The following MAML2 variants were observed in gnomAD, a reference collection of about 807,000 sequenced individuals.
MAML2 encodes the protein mastermind like transcriptional coactivator 2.
Under a neutral mutation model 96.1 loss-of-function variants are expected in MAML2, and 22 were observed. The observed-to-expected ratio is 0.23, with a 90% confidence interval of 0.16 to 0.33. MAML2 has a LOEUF of 0.33. MAML2 is among the 10% of genes least tolerant of loss of function. The pLI is 1.00. For synonymous variants in MAML2, 561 were observed against 521.3 expected, an observed-to-expected ratio of 1.08 and a Z score of -1.04; for missense variants, 1,367 against 1,392.4, an observed-to-expected ratio of 0.98 and a Z score of 0.29.
intron 1 of MAML2, among the ~76,000 whole-genome samples, chr11:96,225,325 C>T (rs1166839688): frequency 1.3e-5 from 2 of 152,190 alleles, no homozygotes; most frequent in South Asian, 2.1e-4. Flanking sequence ...TACAGAGAGG[C>T]TCACATGATG....
At chr11:96,109,958 T>C (rs1156578139) in intron 1 of MAML2, among the ~76,000 whole-genome samples, 1 of 152,072 alleles carries the variant, frequency 6.6e-6, no homozygotes, top group Non-Finnish European at 1.5e-5. Context: ...AATGAAACTC[T>C]GGGGAACATC....
intron 3 of MAML2, among the ~76,000 whole-genome samples, chr11:95,989,008 A>C (rs944687075): frequency 2.6e-5 from 4 of 152,192 alleles, no homozygotes; most frequent in African/African-American, 9.6e-5. Context: ...TTTCTATTTA[A>C]TTCTGTGAAA....
intron 2 of MAML2, among the ~76,000 whole-genome samples, chr11:96,050,452 T>C (rs917495161): frequency 6.6e-6 from 1 of 152,224 alleles, no homozygotes; most frequent in African/African-American, 2.4e-5. Flanking sequence ...GATGGGTTTT[T>C]CAGGCTATGT....
At chr11:96,265,120 T>C (rs1862808572) in intron 1 of MAML2, among the ~76,000 whole-genome samples, 1 of 152,174 alleles carries the variant, frequency 6.6e-6, no homozygotes, top group Non-Finnish European at 1.5e-5. Flanking sequence ...TCATTAGGAA[T>C]GTGGTAGAGA....
chr11:96,282,024 C>T (rs1233157135), intron 1 of MAML2, among the ~76,000 whole-genome samples: 5 of 151,920 alleles, frequency 3.3e-5, no homozygotes, highest in East Asian at 1.9e-4. Flanking sequence ...CCGAGGCAGG[C>T]GGATCACGAG....
chr11:96,061,168 G>A (rs181144389), intron 2 of MAML2, among the ~76,000 whole-genome samples: 54 of 152,290 alleles, frequency 3.5e-4, no homozygotes, highest in African/African-American at 1.2e-3. Context: ...GCAGGTTGTC[G>A]AATTCCCAAG....
chr11:96,234,899 C>A (rs892152835), intron 1 of MAML2, among the ~76,000 whole-genome samples: 2 of 151,866 alleles, frequency 1.3e-5, no homozygotes, highest in South Asian at 4.2e-4. Context: ...AATGGAACAC[C>A]CTGTTGTGAA....
At chr11:96,059,131 A>G (rs1000900594) in intron 2 of MAML2, among the ~76,000 whole-genome samples, 1 of 152,172 alleles carries the variant, frequency 6.6e-6, no homozygotes, top group South Asian at 2.1e-4. Context: ...AGGCACAGAG[A>G]GTTTAGGCAA....
intron 1 of MAML2, among the ~76,000 whole-genome samples, chr11:96,218,216 C>T (rs1862078185): frequency 3.3e-5 from 5 of 152,202 alleles, no homozygotes; most frequent in Admixed American, 3.3e-4. Context: ...CAGAAGGCAG[C>T]TGTAACGCAG....
chr11:96,254,428 G>A (rs1185451037), intron 1 of MAML2, among the ~76,000 whole-genome samples: 1 of 147,486 alleles, frequency 6.8e-6, no homozygotes, highest in Non-Finnish European at 1.5e-5. Context: ...AGCTTGCTGT[G>A]GCTCTTAATA....
At chr11:96,032,586 CAAAAAAAAAA>C (rs59167571) in intron 2 of MAML2, among the ~76,000 whole-genome samples, 1 of 91,468 alleles carries the variant, frequency 1.1e-5, no homozygotes, top group Non-Finnish European at 2.2e-5. Context: ...GAGTCTGTCT[CAAAAAAAAAA>C]AAAAAAAAAA....
chr11:96,124,059 G>A (rs952008752), intron 1 of MAML2, among the ~76,000 whole-genome samples: 4 of 127,522 alleles, frequency 3.1e-5, no homozygotes, highest in South Asian at 2.4e-4. Flanking sequence ...AACGAGCAAC[G>A]AGCAACCAGC....
chr11:96,161,438 AT>A (rs1053320777), intron 1 of MAML2, among the ~76,000 whole-genome samples: 7 of 152,158 alleles, frequency 4.6e-5, no homozygotes, highest in Non-Finnish European at 8.8e-5. Flanking sequence ...TAATAGGTTC[AT>A]TTTTTACCCT....
chr11:96,106,880 G>A (rs10501842), intron 1 of MAML2, among the ~76,000 whole-genome samples: 37,752 of 151,396 alleles, frequency 0.25, 5,099 homozygotes, highest in Middle Eastern at 0.35. Context: ...GTATCCACTC[G>A]TTAGATTGCT....
At chr11:96,222,962 C>T (rs7101873) in intron 1 of MAML2, among the ~76,000 whole-genome samples, 23,894 of 151,888 alleles carry the variant, frequency 0.16, 2,013 homozygotes, top group Non-Finnish European at 0.19. Context: ...TCCCAGAAAA[C>T]TGAAGATTTT....
rs1000004929 is a variant in MAML2, at chr11:96,217,132, A to G, written c.514-123615T>C. 6.6e-5 allele frequency among the ~76,000 whole-genome samples: 10 copies of G among 152,324 alleles called. No individual in the cohort carries two copies. In the South Asian group the frequency reaches 2.1e-3, roughly 32 times the overall value. On this transcript the variant is annotated intron_variant, in intron 1 of 4. Coordinates refer to ENST00000524717, the MANE Select transcript of MAML2 (RefSeq NM_032427.4). ...CTTTGCTCAGTGCTCATTACATGTT[A>G]CACTGCTGTTCCTATTAAAGTATAA... is the stretch of plus-strand genomic sequence containing the variant.
At position 96,074,301 on chromosome 11, in the gene MAML2, A is replaced by G. The variant is rs146826933; in HGVS notation, c.2139+17591T>C. On this transcript the variant is annotated intron_variant, in intron 2 of 4. Coordinates refer to ENST00000524717, the MANE Select transcript of MAML2 (RefSeq NM_032427.4). ...TTCGATAAGCTCAGATTCTCAAAAT[A>G]CAGCAGGTGTGTGAAGGACAGTATA... Among the ~76,000 whole-genome samples the G allele has an allele frequency of 5.3e-3, 804 of 152,338 alleles. 6 individuals are homozygous for G. The highest frequency in any genetic ancestry group is 0.018 in the African/African-American group (748 of 41,578).
At position 96,093,444 on chromosome 11, in the gene MAML2, A is replaced by T. The variant is rs1299074101; in HGVS notation, c.587T>A (p.Val196Glu). 1 of 1,613,936 alleles carries T rather than the reference A, an allele frequency of 6.2e-7. No homozygotes were observed. The highest frequency in any genetic ancestry group is 8.5e-7 in the Non-Finnish European group (1 of 1,179,906). The change falls in exon 2 of 5, where the codon GTG (valine) becomes GAG (glutamate). Residue 196 changes from valine (V) to glutamate (E), a missense_variant. Transcript: ENST00000524717. ...PANSKRPNGF[V>E]DNSFLDIKRI... The stretch of plus-strand genomic sequence containing the variant: ...TTTGATATCAAGAAATGAGTTGTCC[A>T]CAAAGCCATTGGGTCGCTTGCTGTT...
chr11:96,322,787 G>A lies in MAML2; in HGVS notation c.513+18596C>T, dbSNP rs114716770. Among the ~76,000 whole-genome samples the A allele has an allele frequency of 1.9e-3, 291 of 152,324 alleles. 1 individual carries two copies. Among genetic ancestry groups the A allele is most frequent in the African/African-American group, 6.8e-3 (284 of 41,580 alleles). On this transcript the variant is annotated intron_variant, in intron 1 of 4. Coordinates refer to ENST00000524717, the MANE Select transcript of MAML2 (RefSeq NM_032427.4). Reference sequence around the variant, plus strand: ...ATATGTTAGGCATGAAGAAAGTTACGTTTGCTTTCTCTTCAGATTCCTGAA... The same window carrying A: ...ATATGTTAGGCATGAAGAAAGTTACATTTGCTTTCTCTTCAGATTCCTGAA...
Sources: allele counts gnomAD v4.1 joint callset (sites outside exome capture counted in the v4.1 genomes callset), GRCh38; gene constraint gnomAD v4.1.1; transcripts MANE v1.5; gene names NCBI Gene and HGNC (gene_info 2026-07-23, HGNC 2026-07-21).